MON2: variants seen among roughly 807,000 people sequenced by gnomAD.
MON2 encodes the protein MON2 regulator of endosome-to-Golgi trafficking, also known as protein MON2 homolog.
Under a neutral mutation model 208.6 loss-of-function variants are expected in MON2, and 84 were observed. The ratio of observed to expected loss-of-function variants is 0.40; its 90% CI spans 0.34 to 0.48. The LOEUF is 0.48. Ranked by LOEUF, MON2 falls within the 20% of genes least tolerant of loss-of-function variation. The probability of loss-of-function intolerance (pLI) is 0.59; values close to 1 mark genes in which losing one functional copy is unlikely to be tolerated. For missense variants in MON2, 1,611 were observed against 2,015.4 expected (o/e 0.80, Z 3.84); for synonymous variants, 660 against 694.0 (o/e 0.95, Z 0.77).
chr12:62,522,566 C>T (rs1372095740), intron 8 of MON2, among the ~76,000 whole-genome samples: 1 of 152,202 alleles, frequency 6.6e-6, no homozygotes, highest in Non-Finnish European at 1.5e-5. Context: ...TACCAAAGTA[C>T]TACAGGAGTT....
At chr12:62,561,182 A>T in intron 26 of MON2, 69 bp downstream of exon 26, 1 of 1,279,620 alleles carries the variant, frequency 7.8e-7, no homozygotes, top group South Asian at 1.6e-5. Flanking sequence ...TTTGCTATAT[A>T]TTTGCGGGGA....
At chr12:62,472,202 G>A (rs2135947596) in intron 1 of MON2, among the ~76,000 whole-genome samples, 1 of 152,288 alleles carries the variant, frequency 6.6e-6, no homozygotes, top group Admixed American at 6.5e-5. Flanking sequence ...GAAGGTTAAA[G>A]GCTAGCAGCA....
chr12:62,489,954 A>G (rs1592849426), intron 2 of MON2: 1 of 849,976 alleles, frequency 1.2e-6, no homozygotes, highest in South Asian at 1.7e-5. Context: ...AATGGCTGTT[A>G]AAATTTTTCA....
intron 11 of MON2, among the ~76,000 whole-genome samples, chr12:62,529,967 A>G (rs956877020): frequency 2.0e-5 from 3 of 152,126 alleles, no homozygotes; most frequent in Non-Finnish European, 2.9e-5. Context: ...CACCTCAAAC[A>G]TTTATCTTTT....
intron 29 of MON2, among the ~76,000 whole-genome samples, chr12:62,570,725 T>TC (rs2074563781): frequency 8.1e-6 from 1 of 122,966 alleles, no homozygotes; most frequent in African/African-American, 3.2e-5. Context: ...TCTTTTTCTT[T>TC]TTTTTTTTTT....
chr12:62,504,215 CCG>C (rs1353834164), intron 7 of MON2, among the ~76,000 whole-genome samples: 1 of 149,070 alleles, frequency 6.7e-6, no homozygotes, highest in African/African-American at 2.5e-5. Flanking sequence ...AGATTTGAAA[CCG>C]TTTTTACAGA....
At chr12:62,549,540 C>G (rs61919487) in intron 22 of MON2, 128 bp from the exon 23 acceptor site, 1 of 676,934 alleles carries the variant, frequency 1.5e-6, no homozygotes. Flanking sequence ...TCACATGATC[C>G]AGGGAGGTTG....
Position 62,595,589 on chromosome 12 carries a change from ATAAAC to A in MON2, c.*2844_*2848del, listed in dbSNP as rs2075512099. ...GGCCATTTTGTCCATTATAAAGGAA[ATAAAC>A]TAATTGTTAACTTGCATAGATTACT... On this transcript the variant is annotated 3_prime_UTR_variant, in exon 35 of 35. Transcript: ENST00000393630. The A allele has an allele frequency of 6.6e-6, 1 of 152,246 alleles. No homozygotes were observed. Among genetic ancestry groups the A allele is most frequent in the African/African-American group, 2.4e-5 (1 of 41,466 alleles). 9.4% of individuals were successfully genotyped at this position (152,246 alleles called of 1,614,324 possible). A position where few individuals can be genotyped will look rare whatever the true frequency, so the allele number is the denominator to read the frequency against.
At chr12:62,590,358 G>A (rs1265884062) in intron 34 of MON2, among the ~76,000 whole-genome samples, 5 of 152,184 alleles carry the variant, frequency 3.3e-5, no homozygotes, top group African/African-American at 1.2e-4. Context: ...CTCCGAAAGT[G>A]CTGGGATTGC....
chr12:62,579,945 GTTATTC>G (rs1459942930), intron 31 of MON2, among the ~76,000 whole-genome samples: 2 of 152,086 alleles, frequency 1.3e-5, no homozygotes, highest in East Asian at 3.8e-4. Flanking sequence ...TGATTTAAAT[GTTATTC>G]TTAATCCTAT....
At position 62,552,904 on chromosome 12, in the gene MON2, C is replaced by A; in HGVS notation, c.2940C>A (p.Phe980Leu). 1 of 1,610,672 alleles carries A rather than the reference C, an allele frequency of 6.2e-7. No homozygotes were observed. The highest frequency in any genetic ancestry group is 8.5e-7 in the Non-Finnish European group (1 of 1,178,152). The change falls in exon 24 of 35, where the codon TTC (phenylalanine) becomes TTA (leucine). Residue 980 changes from phenylalanine to leucine, a missense_variant. Physicochemically the swap from Phe to Leu is conservative, Grantham distance 22. Transcript: ENST00000393630. ...GLLWNISDYF[F>L]QRGETIEKEL... The stretch of plus-strand genomic sequence containing the variant: ...AGTGGAATATTTCAGATTATTTTTT[C>A]CAAAGAGGGGAAACTATTGAAAAAG...
chr12:62,486,839 A>G (rs567878784), intron 2 of MON2, among the ~76,000 whole-genome samples: 3 of 152,148 alleles, frequency 2.0e-5, no homozygotes, highest in Non-Finnish European at 4.4e-5. Flanking sequence ...GAGATTGGAT[A>G]TTGAAATCTC....
intron 29 of MON2, among the ~76,000 whole-genome samples, chr12:62,567,570 C>T (rs1300268175): frequency 6.6e-6 from 1 of 152,150 alleles, no homozygotes; most frequent in East Asian, 1.9e-4. Context: ...TGGTACTGGC[C>T]TTCTGAAACC....
At position 62,556,134 on chromosome 12, in the gene MON2, A is replaced by G; in HGVS notation, c.3351A>G (p.Leu1117=). 1 of 1,614,138 alleles carries G rather than the reference A, an allele frequency of 6.2e-7. No homozygotes were observed. The highest frequency in any genetic ancestry group is 8.5e-7 in the Non-Finnish European group (1 of 1,180,016). ...AGCAATGGGCTGAGACGTGGGTATTAACATTGGCTGGAGTAGCAAGGATCT... is the reference window on the plus strand; with the variant it reads ...AGCAATGGGCTGAGACGTGGGTATTGACATTGGCTGGAGTAGCAAGGATCT... ...AEKQWAETWV[L]TLAGVARIFN... Residue 1117 remains leucine (L), a synonymous_variant, in exon 25 of 35, where the codon TTA becomes TTG. Coordinates refer to ENST00000393630, the MANE Select transcript of MON2 (RefSeq NM_015026.3).
intron 7 of MON2, among the ~76,000 whole-genome samples, chr12:62,505,573 G>T (rs897836532): frequency 2.6e-5 from 4 of 152,058 alleles, no homozygotes; most frequent in Admixed American, 2.6e-4. Flanking sequence ...CAAGTAATCA[G>T]TTATATCAGG....
intron 11 of MON2, among the ~76,000 whole-genome samples, chr12:62,526,965 A>G (rs1035961800): frequency 2.0e-5 from 3 of 152,064 alleles, no homozygotes; most frequent in Non-Finnish European, 4.4e-5. Flanking sequence ...CATCTCTACT[A>G]AAAATACAAA....
Position 62,477,878 on chromosome 12 carries a change from T to C in MON2, c.112-6292T>C, listed in dbSNP as rs1385277536. 2.0e-5 allele frequency among the ~76,000 whole-genome samples: 3 copies of C among 152,310 alleles called. No individual in the cohort carries two copies. In the East Asian group the frequency reaches 5.8e-4, roughly 29 times the overall value. ...TTCTTTCCTTCAAAATGGTGTCATA[T>C]GAAATTTGAGGTGTGGAATGGCTGC... On this transcript the variant is annotated intron_variant, in intron 1 of 34. Transcript: ENST00000393630.
chr12:62,501,757 T>A (rs1299601570), intron 7 of MON2, 59 bp downstream of exon 7: 49 of 1,588,416 alleles, frequency 3.1e-5, no homozygotes, highest in Non-Finnish European at 4.1e-5. Context: ...CAGATATTTT[T>A]AAAGAAAGCA....
At position 62,553,143 on chromosome 12, in the gene MON2, A is replaced by G. The variant is rs748170176; in HGVS notation, c.3179A>G (p.Gln1060Arg). 1.2e-5 allele frequency: 19 copies of G among 1,614,096 alleles called. No individual in the cohort carries two copies. The Admixed American group carries it at 3.2e-4, about 27-fold the overall frequency. ...ATTGGTGCGCATGGAACTTTATTAC[A>G]GCATTCAACCTGGCACACTGTTATC... is the stretch of plus-strand genomic sequence containing the variant. Reference protein sequence around the residue: ...STIGAHGTLLQHSTWHTVIWK... With the variant: ...STIGAHGTLLRHSTWHTVIWK... The change falls in exon 24 of 35, where the codon CAG (glutamine) becomes CGG (arginine). Residue 1060 changes from glutamine to arginine, a missense_variant. Gln to Arg is a conservative substitution (Grantham distance 43). Transcript: ENST00000393630.
Sources: allele counts gnomAD v4.1 joint callset (sites outside exome capture counted in the v4.1 genomes callset), GRCh38; gene constraint gnomAD v4.1.1; transcripts MANE v1.5; gene names NCBI Gene and HGNC (gene_info 2026-07-23, HGNC 2026-07-21).